WWOX: variants seen among roughly 807,000 people sequenced by gnomAD.
WWOX encodes the protein WW domain-containing oxidoreductase.
WWOX carries 69 observed loss-of-function variants against 46.2 expected under a neutral mutation model. The ratio of observed to expected loss-of-function variants is 1.49; its 90% confidence interval spans 1.23 to 1.82. WWOX has a LOEUF of 1.82. WWOX is among the 40% of genes most tolerant of loss of function. The probability of loss-of-function intolerance (pLI) is 0.00; values close to 1 mark genes in which losing one functional copy is unlikely to be tolerated. For missense variants in WWOX, 919 were observed against 542.6 expected (o/e 1.69, Z -6.89); for synonymous variants, 359 against 202.6 (o/e 1.77, Z -6.56).
intron 8 of WWOX, among the ~76,000 whole-genome samples, chr16:78,630,223 C>G (rs970006990): frequency 6.6e-6 from 1 of 152,188 alleles, no homozygotes; most frequent in African/African-American, 2.4e-5. Flanking sequence ...AGGCCAGGCA[C>G]TGGGGTCCTA....
chr16:78,214,543 T>C (rs1229704508), intron 5 of WWOX, among the ~76,000 whole-genome samples: 2 of 152,174 alleles, frequency 1.3e-5, no homozygotes, highest in Non-Finnish European at 2.9e-5. Flanking sequence ...CCTCAGGGAT[T>C]GCACCTCCCT....
At chr16:78,472,831 A>AG (rs1262519052) in intron 8 of WWOX, among the ~76,000 whole-genome samples, 1 of 142,124 alleles carries the variant, frequency 7.0e-6, no homozygotes, top group South Asian at 2.6e-4. Context: ...AAAAAAAAAA[A>AG]AAAAATTATG....
intron 8 of WWOX, among the ~76,000 whole-genome samples, chr16:79,153,153 GA>G (rs1184615391): frequency 2.0e-5 from 3 of 152,180 alleles, no homozygotes; most frequent in Non-Finnish European, 4.4e-5. Flanking sequence ...CAACCGCCAA[GA>G]AATCTTGAGA....
chr16:78,564,598 C>T (rs1269503194), intron 8 of WWOX, among the ~76,000 whole-genome samples: 1 of 152,144 alleles, frequency 6.6e-6, no homozygotes, highest in Non-Finnish European at 1.5e-5. Flanking sequence ...ATCATTTCTC[C>T]TAAGCAATCA....
intron 8 of WWOX, among the ~76,000 whole-genome samples, chr16:79,069,436 A>G (rs528161514): frequency 7.2e-5 from 11 of 152,214 alleles, no homozygotes; most frequent in African/African-American, 2.4e-4. Context: ...AGACCTTTAC[A>G]TCTCTGTCTT....
intron 6 of WWOX, among the ~76,000 whole-genome samples, chr16:78,389,756 T>G (rs2082139770): frequency 6.6e-6 from 1 of 152,122 alleles, no homozygotes; most frequent in Admixed American, 6.5e-5. Context: ...AGTTTATTTT[T>G]TATTTATTTT....
At chr16:78,369,096 T>C (rs763100995) in intron 5 of WWOX, among the ~76,000 whole-genome samples, 1 of 152,188 alleles carries the variant, frequency 6.6e-6, no homozygotes, top group Non-Finnish European at 1.5e-5. Flanking sequence ...AGAGTTTGTT[T>C]TCTCATTGAA....
intron 8 of WWOX, among the ~76,000 whole-genome samples, chr16:78,559,756 T>G (rs566384863): frequency 6.6e-6 from 1 of 152,366 alleles, no homozygotes; most frequent in East Asian, 1.9e-4. Context: ...CTAATGACTT[T>G]AATCGTGTGA....
intron 8 of WWOX, among the ~76,000 whole-genome samples, chr16:78,437,217 A>G (rs1202573630): frequency 6.6e-6 from 1 of 152,156 alleles, no homozygotes; most frequent in Non-Finnish European, 1.5e-5. Context: ...TCTAATATCA[A>G]CGTCCCTTTT....
chr16:78,821,390 C>T (rs996071425), intron 8 of WWOX, among the ~76,000 whole-genome samples: 1 of 152,182 alleles, frequency 6.6e-6, no homozygotes, highest in East Asian at 1.9e-4. Flanking sequence ...GTTTATCCTT[C>T]TTTCCCCCTG....
intron 8 of WWOX, among the ~76,000 whole-genome samples, chr16:78,516,065 G>A (rs77946205): frequency 1.6e-4 from 25 of 151,908 alleles, no homozygotes; most frequent in Non-Finnish European, 2.6e-4. Context: ...AGAGTAGCAT[G>A]TGCTCATCCC....
At chr16:78,678,104 C>A (rs1489837781) in intron 8 of WWOX, among the ~76,000 whole-genome samples, 1 of 152,192 alleles carries the variant, frequency 6.6e-6, no homozygotes, top group Non-Finnish European at 1.5e-5. Context: ...CTGCCCTCCC[C>A]CTCCCCACTG....
chr16:78,931,485 C>T (rs917584776), intron 8 of WWOX, among the ~76,000 whole-genome samples: 4 of 152,160 alleles, frequency 2.6e-5, no homozygotes, highest in Non-Finnish European at 5.9e-5. Flanking sequence ...TTTTGCTGGG[C>T]TGGGCCAGTT....
At chr16:79,034,463 C>G (rs1345192926) in intron 8 of WWOX, among the ~76,000 whole-genome samples, 1 of 152,220 alleles carries the variant, frequency 6.6e-6, no homozygotes, top group African/African-American at 2.4e-5. Context: ...TTTTCTTAAA[C>G]AGCTGCATCT....
At chr16:79,128,582 C>T (rs1315089924) in intron 8 of WWOX, among the ~76,000 whole-genome samples, 2 of 152,054 alleles carry the variant, frequency 1.3e-5, no homozygotes, top group Admixed American at 6.5e-5. Context: ...AGCTTTATAA[C>T]GGTTTGATTT....
chr16:79,041,643 C>T (rs2047973571), intron 8 of WWOX, among the ~76,000 whole-genome samples: 1 of 152,120 alleles, frequency 6.6e-6, no homozygotes, highest in Admixed American at 6.5e-5. Flanking sequence ...AGCAGGCCAC[C>T]AAGAGCCATC....
intron 5 of WWOX, among the ~76,000 whole-genome samples, chr16:78,231,147 G>C (rs1299209256): frequency 6.6e-6 from 1 of 152,162 alleles, no homozygotes; most frequent in Non-Finnish European, 1.5e-5. Context: ...ACTTAGTTTA[G>C]TTTTGTTTTT....
chr16:78,110,240 T>C (rs2151668373), intron 3 of WWOX, among the ~76,000 whole-genome samples: 1 of 146,482 alleles, frequency 6.8e-6, no homozygotes, highest in Middle Eastern at 3.6e-3. Flanking sequence ...CTCGGGAGGG[T>C]AAGGCGGGAG....
At chr16:78,407,167 T>A (rs144575834) in intron 6 of WWOX, among the ~76,000 whole-genome samples, 378 of 152,232 alleles carry the variant, frequency 2.5e-3, no homozygotes, top group Non-Finnish European at 4.3e-3. Context: ...TCTACATTAT[T>A]TTTTTCCCTT....
Sources: allele counts gnomAD v4.1 joint callset (sites outside exome capture counted in the v4.1 genomes callset), GRCh38; gene constraint gnomAD v4.1.1; transcripts MANE v1.5; gene names NCBI Gene and HGNC (gene_info 2026-07-23, HGNC 2026-07-21).